The following NUMB variants were observed in gnomAD, a reference collection of about 807,000 sequenced individuals.
The protein encoded by NUMB is NUMB endocytic adaptor protein, also known as protein numb homolog.
In NUMB, 29 loss-of-function variants were observed where a neutral mutation model predicts 59.7. That is an observed-to-expected ratio of 0.49 (90% confidence interval 0.36 to 0.66). The LOEUF (loss-of-function observed/expected upper bound fraction) is 0.66, where lower values mean the gene tolerates loss of function less well. Among genes scored for constraint, NUMB ranks in the 30% least tolerant of loss-of-function variants. The pLI is 0.00. For missense variants in NUMB, 723 were observed against 822.0 expected, an observed-to-expected ratio of 0.88 and a Z score of 1.47; for synonymous variants, 288 against 288.2, an observed-to-expected ratio of 1.00 and a Z score of 0.01.
At chr14:73,357,065 T>TA (rs994089528) in intron 3 of NUMB, 85 of 928,550 alleles carry the variant, frequency 9.2e-5, no homozygotes, top group South Asian at 1.5e-4. Context: ...TATAGTAACA[T>TA]AAAAAAAATG....
intron 2 of NUMB, among the ~76,000 whole-genome samples, chr14:73,373,232 T>C (rs1157152544): frequency 6.6e-6 from 1 of 152,188 alleles, no homozygotes. Context: ...TAAAATGAAA[T>C]GGGTGAACCC....
At chr14:73,397,642 T>A (rs1019053698) in intron 2 of NUMB, among the ~76,000 whole-genome samples, 17 of 152,256 alleles carry the variant, frequency 1.1e-4, no homozygotes, top group African/African-American at 2.9e-4. Flanking sequence ...TTTCTTAATG[T>A]CTTCCTGTAT....
intron 4 of NUMB, among the ~76,000 whole-genome samples, chr14:73,335,302 C>CAAA (rs10556271): frequency 1.9e-4 from 19 of 100,234 alleles, no homozygotes; most frequent in South Asian, 9.5e-4. Context: ...GCCAAAAAGA[C>CAAA]AAAAAAAAAA....
Position 73,423,922 on chromosome 14 carries a change from C to T in NUMB, c.-232-13854G>A, listed in dbSNP as rs180956023. On this transcript the variant is annotated intron_variant, in intron 1 of 12. Coordinates refer to ENST00000555238, the MANE Select transcript of NUMB (RefSeq NM_001005743.2). ...CGGAGGTTGCAGTGAGCTGAGATTG[C>T]GCCATTGGACTCCAGCATGGGTGAC... 5.1e-4 allele frequency among the ~76,000 whole-genome samples: 72 copies of T among 141,740 alleles called. No homozygotes were observed. In the East Asian group the frequency reaches 9.1e-3, roughly 18 times the overall value. 93.0% of individuals were successfully genotyped at this position (141,740 alleles called of 152,430 possible). A position where few individuals can be genotyped will look rare whatever the true frequency, so the allele number is the denominator to read the frequency against.
At chr14:73,328,286 A>AAAG in intron 4 of NUMB, among the ~76,000 whole-genome samples, 1 of 150,800 alleles carries the variant, frequency 6.6e-6, no homozygotes, top group East Asian at 1.9e-4. Context: ...AAAAAAAAAA[A>AAAG]AAGTCATATA....
intron 7 of NUMB, 29 bp from the exon 8 acceptor site, chr14:73,292,903 A>G: frequency 6.2e-7 from 1 of 1,612,296 alleles, no homozygotes; most frequent in Non-Finnish European, 8.5e-7. Flanking sequence ...AAAGAAAGAG[A>G]AGACTTATGA....
At chr14:73,385,305 A>ATTTTTTTT in intron 2 of NUMB, among the ~76,000 whole-genome samples, 1 of 102,656 alleles carries the variant, frequency 9.7e-6, no homozygotes, top group Non-Finnish European at 2.0e-5. Flanking sequence ...ATACCAGTTA[A>ATTTTTTTT]TTCTTTTTTT....
chr14:73,350,326 C>A (rs1893174989), intron 4 of NUMB, among the ~76,000 whole-genome samples: 1 of 151,446 alleles, frequency 6.6e-6, no homozygotes, highest in Admixed American at 6.6e-5. Context: ...GGCATGTACA[C>A]CATGCCTGGC....
At chr14:73,367,179 C>A (rs1478743039) in intron 2 of NUMB, among the ~76,000 whole-genome samples, 198 bp from the exon 3 acceptor site, 1 of 151,460 alleles carries the variant, frequency 6.6e-6, no homozygotes, top group Admixed American at 6.6e-5. Context: ...GATCCACACA[C>A]TAATGTAGAA....
chr14:73,342,341 C>T (rs1195435897), intron 4 of NUMB, among the ~76,000 whole-genome samples: 1 of 152,196 alleles, frequency 6.6e-6, no homozygotes, highest in East Asian at 1.9e-4. Context: ...CTACACATGG[C>T]TGACATTAAG....
chr14:73,319,606 G>A (rs544444913), intron 5 of NUMB, among the ~76,000 whole-genome samples: 3 of 152,222 alleles, frequency 2.0e-5, no homozygotes, highest in Non-Finnish European at 2.9e-5. Context: ...CATAGCATTT[G>A]GCACAATATA....
At chr14:73,411,150 A>G (rs909080780) in intron 1 of NUMB, among the ~76,000 whole-genome samples, 1 of 138,956 alleles carries the variant, frequency 7.2e-6, no homozygotes, top group African/African-American at 2.7e-5. Flanking sequence ...TCTCACCTCC[A>G]CCTCCTGAGT....
chr14:73,415,946 A>C (rs1897111131), intron 1 of NUMB, among the ~76,000 whole-genome samples: 1 of 152,160 alleles, frequency 6.6e-6, no homozygotes, highest in African/African-American at 2.4e-5. Context: ...AAGAAAAAAA[A>C]TCTAGATTTC....
At chr14:73,453,232 A>C (rs1391302693) in intron 1 of NUMB, among the ~76,000 whole-genome samples, 1 of 152,146 alleles carries the variant, frequency 6.6e-6, no homozygotes, top group South Asian at 2.1e-4. Flanking sequence ...TCCTGGGTTC[A>C]AGTGATTCTC....
At chr14:73,401,069 A>T (rs1379620441) in intron 2 of NUMB, among the ~76,000 whole-genome samples, 1 of 152,194 alleles carries the variant, frequency 6.6e-6, no homozygotes, top group East Asian at 1.9e-4. Context: ...TTGAGCCCTC[A>T]ACCTGTGGGA....
rs553954051 is a variant in NUMB at position 73,307,184 on chromosome 14, C to T, written c.234+9206G>A. Among the ~76,000 whole-genome samples the T allele has an allele frequency of 2.1e-3, 312 of 152,138 alleles. 1 individual carries two copies. Among genetic ancestry groups the T allele is most frequent in the Non-Finnish European group, 3.4e-3 (228 of 68,000 alleles). Reference sequence around the variant, plus strand: ...ATTAGCTGGGTGTGGTGGCGGGCACCTGTAGTCCCAGCTACTCGGGAGGCT... The same window carrying T: ...ATTAGCTGGGTGTGGTGGCGGGCACTTGTAGTCCCAGCTACTCGGGAGGCT... On this transcript the variant is annotated intron_variant, in intron 6 of 12. Coordinates refer to ENST00000555238, the MANE Select transcript of NUMB (RefSeq NM_001005743.2).
At chr14:73,306,661 C>G (rs976278702) in intron 6 of NUMB, among the ~76,000 whole-genome samples, 2 of 152,210 alleles carry the variant, frequency 1.3e-5, no homozygotes, top group Non-Finnish European at 2.9e-5. Flanking sequence ...AGGCTCAGCC[C>G]TAGGTGTCAT....
At chr14:73,440,754 G>C (rs1882998353) in intron 1 of NUMB, among the ~76,000 whole-genome samples, 1 of 150,738 alleles carries the variant, frequency 6.6e-6, no homozygotes, top group African/African-American at 2.4e-5. Flanking sequence ...TATGAAACCG[G>C]GAGGTGGAGG....
intron 6 of NUMB, among the ~76,000 whole-genome samples, chr14:73,299,642 C>T (rs373232898): frequency 2.0e-5 from 3 of 150,812 alleles, no homozygotes; most frequent in Non-Finnish European, 2.9e-5. Context: ...TATCTCCTAG[C>T]GGTTCTGTTT....
Sources: allele counts gnomAD v4.1 joint callset (sites outside exome capture counted in the v4.1 genomes callset), GRCh38; gene constraint gnomAD v4.1.1; transcripts MANE v1.5; gene names NCBI Gene and HGNC (gene_info 2026-07-23, HGNC 2026-07-21).